API5: variants seen among roughly 807,000 people sequenced by gnomAD.
API5 encodes FIF.
A neutral mutation model predicts 71.9 loss-of-function variants in API5; 6 were observed. That is an observed-to-expected ratio of 0.08 (90% CI 0.05 to 0.16). API5 has a LOEUF of 0.16. Among genes scored for constraint, API5 ranks in the 10% least tolerant of loss-of-function variants. The pLI, the probability that API5 is intolerant of heterozygous loss-of-function variation, is 1.00. For missense variants in API5, 332 were observed against 612.8 expected, an observed-to-expected ratio of 0.54 and a Z score of 4.84; for synonymous variants, 189 against 221.3, an observed-to-expected ratio of 0.85 and a Z score of 1.30.
At chr11:43,337,007 CAAAAAAAA>C (rs559170436) in intron 13 of API5, among the ~76,000 whole-genome samples, 2 of 66,860 alleles carry the variant, frequency 3.0e-5, no homozygotes, top group African/African-American at 1.4e-4. Context: ...GACTCCGTCT[CAAAAAAAA>C]AAAAAAAAAA....
At chr11:43,324,669 CATTT>C (rs559979340) in intron 6 of API5, among the ~76,000 whole-genome samples, 2 of 151,874 alleles carry the variant, frequency 1.3e-5, no homozygotes, top group East Asian at 1.9e-4. Context: ...GTCCACAATT[CATTT>C]ATTTATTTAT....
At position 43,344,068 on chromosome 11, in the gene API5, A is replaced by G. The variant is rs1031231056; in HGVS notation, c.*1558A>G. Reference sequence around the variant, plus strand: ...GTGGCAATAATCTCTAAACATTCCAAAAGACCATGAGCTGAACCTAAACTC... The same window carrying G: ...GTGGCAATAATCTCTAAACATTCCAGAAGACCATGAGCTGAACCTAAACTC... On this transcript the variant is annotated 3_prime_UTR_variant, in exon 14 of 14. Coordinates refer to ENST00000531273, the MANE Select transcript of API5 (RefSeq NM_001142930.2). The G allele has an allele frequency of 6.6e-6, 1 of 152,666 alleles. No homozygotes were observed. Among genetic ancestry groups the G allele is most frequent in the Non-Finnish European group, 1.5e-5 (1 of 68,046 alleles). The allele number at this position is 152,666 out of a possible 1,614,324, so 9.5% of individuals were successfully genotyped here.
chr11:43,321,421 A>G lies in API5; in HGVS notation c.336A>G (p.Ala112=), dbSNP rs968857849. Residue 112 remains alanine (A), a synonymous_variant, in exon 4 of 14, where the codon GCA becomes GCG. Coordinates refer to ENST00000531273, the MANE Select transcript of API5 (RefSeq NM_001142930.2). Reference sequence around the variant, plus strand: ...TTTTTCTTTATCCAGATGACTCTGCAGAATTTAACCTAGTGAACAATGCCC... The same window carrying G: ...TTTTTCTTTATCCAGATGACTCTGCGGAATTTAACCTAGTGAACAATGCCC... ...LTQLLQTDDS[A]EFNLVNNALL... is the part of the protein sequence containing the mutation. The G allele has an allele frequency of 6.2e-7, 1 of 1,610,676 alleles. No homozygotes were observed. Among genetic ancestry groups the G allele is most frequent in the Non-Finnish European group, 8.5e-7 (1 of 1,178,216 alleles).
chr11:43,316,457 A>C (rs561300281), intron 1 of API5, among the ~76,000 whole-genome samples: 4 of 151,206 alleles, frequency 2.6e-5, no homozygotes, highest in Non-Finnish European at 4.4e-5. Flanking sequence ...AGTAAGTTTG[A>C]GTTAAAGAAA....
intron 13 of API5, 129 bp downstream of exon 13, chr11:43,336,123 A>T: frequency 8.1e-7 from 1 of 1,231,666 alleles, no homozygotes. Context: ...TAGCTTGGAG[A>T]ACTAGGGCTG....
At chr11:43,312,248 G>T in intron 1 of API5, 52 bp downstream of exon 1, 1 of 1,579,486 alleles carries the variant, frequency 6.3e-7, no homozygotes, top group African/African-American at 1.3e-5. Context: ...GCGGCCTTTC[G>T]AAAGCGCTTC....
intron 11 of API5, among the ~76,000 whole-genome samples, chr11:43,333,850 G>A (rs1855340236): frequency 6.6e-6 from 1 of 152,166 alleles, no homozygotes; most frequent in South Asian, 2.1e-4. Flanking sequence ...CGGTTTCCAG[G>A]AGTTAACTTT....
At chr11:43,331,995 T>G (rs1394390327) in intron 11 of API5, 4 of 152,228 alleles carry the variant, frequency 2.6e-5, no homozygotes, top group African/African-American at 9.6e-5. Context: ...CTATGTTGAA[T>G]ATACAATGTG....
intron 10 of API5, 62 bp downstream of exon 10, chr11:43,330,120 G>A (rs1855205951): frequency 1.5e-6 from 2 of 1,350,242 alleles, no homozygotes; most frequent in African/African-American, 1.4e-5. Context: ...ATAGACTTGT[G>A]TTGGGAGTTT....
intron 13 of API5, among the ~76,000 whole-genome samples, chr11:43,339,579 C>G (rs550780841): frequency 2.2e-4 from 33 of 152,244 alleles, no homozygotes; most frequent in African/African-American, 7.7e-4. Flanking sequence ...CTGTACATCA[C>G]AAGTGACTTG....
intron 11 of API5, among the ~76,000 whole-genome samples, chr11:43,334,942 C>T (rs1243423923): frequency 6.6e-6 from 1 of 152,042 alleles, no homozygotes; most frequent in East Asian, 1.9e-4. Flanking sequence ...CTTAAAGCAC[C>T]ATGGTGACTG....
intron 5 of API5, among the ~76,000 whole-genome samples, 154 bp downstream of exon 5, chr11:43,322,290 A>G (rs1347583333): frequency 2.0e-5 from 3 of 152,138 alleles, no homozygotes; most frequent in Non-Finnish European, 1.5e-5. Flanking sequence ...TTTTTCTTAG[A>G]TTGAATTTAG....
At chr11:43,318,557 C>G in intron 1 of API5, 83 bp from the exon 2 acceptor site, 1 of 1,584,982 alleles carries the variant, frequency 6.3e-7, no homozygotes, top group Non-Finnish European at 8.6e-7. Flanking sequence ...TTAAAGCACA[C>G]TCTAACATGT....
chr11:43,328,899 A>C lies in API5; in HGVS notation c.1127+6A>C. 1 of 1,613,842 alleles carries C rather than the reference A, an allele frequency of 6.2e-7. No homozygotes were observed. The highest frequency in any genetic ancestry group is 8.5e-7 in the Non-Finnish European group (1 of 1,179,862). On this transcript the variant is annotated splice_donor_region_variant and intron_variant, in intron 9 of 13. Transcript: ENST00000531273. ...CTCAAAGATTTCAAAATCAGGTGAT[A>C]TATGATTGAGGTGGCTCAATCCTTG...
intron 2 of API5, 42 bp from the exon 3 acceptor site, chr11:43,320,779 G>A: frequency 7.1e-7 from 1 of 1,408,036 alleles, no homozygotes; most frequent in Non-Finnish European, 1.0e-6. Flanking sequence ...TTATTTTAAA[G>A]GTGATAGTAT....
chr11:43,327,981 T>A, intron 8 of API5, 103 bp downstream of exon 8: 1 of 625,226 alleles, frequency 1.6e-6, no homozygotes, highest in Non-Finnish European at 2.6e-6. Flanking sequence ...AAATTTCAAT[T>A]AAACAATAAT....
chr11:43,336,149 A>G, intron 13 of API5, 155 bp downstream of exon 13: 1 of 984,478 alleles, frequency 1.0e-6, no homozygotes, highest in Non-Finnish European at 1.4e-6. Flanking sequence ...GAAATGATTT[A>G]TCCCATTCCT....
intron 5 of API5, 88 bp from the exon 6 acceptor site, chr11:43,323,342 C>T: frequency 1.7e-6 from 2 of 1,211,470 alleles, no homozygotes; most frequent in Non-Finnish European, 2.4e-6. Context: ...ACTTTAGTAA[C>T]TGAAATAAAT....
intron 13 of API5, among the ~76,000 whole-genome samples, chr11:43,341,617 T>C (rs904626651): frequency 3.3e-5 from 5 of 152,080 alleles, no homozygotes; most frequent in African/African-American, 1.2e-4. Flanking sequence ...GGGAGAGATT[T>C]GTGGGAGGAT....
Sources: allele counts gnomAD v4.1 joint callset (sites outside exome capture counted in the v4.1 genomes callset), GRCh38; gene constraint gnomAD v4.1.1; transcripts MANE v1.5; gene names NCBI Gene and HGNC (gene_info 2026-07-23, HGNC 2026-07-21).